GFRAL: variants seen among roughly 807,000 people sequenced by gnomAD.
GFRAL encodes the protein GDNF family receptor alpha-like.
Under a neutral mutation model 45.4 loss-of-function variants are expected in GFRAL, and 36 were observed. The observed-to-expected ratio is 0.79, with a 90% CI of 0.61 to 1.05. The LOEUF is 1.05. GFRAL is among the 50% of genes least tolerant of loss of function. The pLI is 0.00. For missense variants in GFRAL, 507 were observed against 467.5 expected, an observed-to-expected ratio of 1.08 and a Z score of -0.78; for synonymous variants, 166 against 154.1, an observed-to-expected ratio of 1.08 and a Z score of -0.57.
chr6:55,362,302 C>T (rs1250796582), intron 6 of GFRAL, among the ~76,000 whole-genome samples: 3 of 150,304 alleles, frequency 2.0e-5, no homozygotes, highest in Non-Finnish European at 4.4e-5. Flanking sequence ...AACAACAAAA[C>T]AAAACAAAAC....
In GFRAL at chr6:55,331,825, A is replaced by G. The variant is rs761628628; in HGVS notation, c.133A>G (p.Met45Val). 1.1e-5 allele frequency: 17 copies of G among 1,610,942 alleles called. No individual in the cohort carries two copies. The highest frequency in any genetic ancestry group is 1.7e-4 in the Middle Eastern group (1 of 6,052). Residue 45 changes from methionine (M) to valine (V), a missense_variant, in exon 2 of 9, where the codon ATG (methionine) becomes GTG (valine). By Grantham distance (21) the Met-to-Val change is conservative. Coordinates refer to ENST00000340465, the MANE Select transcript of GFRAL (RefSeq NM_207410.2). ...TGGATGTAAACATGCTTGGAGAGTA[A>G]TGGAAGATGCCTGCAATGATTCAGG... ...ANGCKHAWRV[M>V]EDACNDSDPG...
chr6:55,401,697 G>A lies in GFRAL; in HGVS notation c.1122-93G>A, dbSNP rs1376279695. The A allele has an allele frequency of 2.3e-5, 18 of 773,196 alleles. No homozygotes were observed. The Admixed American group carries it at 2.9e-4, about 12-fold the overall frequency. The allele number at this position is 773,196 out of a possible 1,614,324, so 47.9% of individuals were successfully genotyped here. On this transcript the variant is annotated intron_variant, in intron 8 of 8. Transcript: ENST00000340465. The stretch of plus-strand genomic sequence containing the variant: ...GAACTTGATTAGTTTTTTCCTCCAG[G>A]TGCAGACTCCAGCAAAAATGCAAAC...
chr6:55,354,146 G>T (rs144485871), intron 5 of GFRAL, among the ~76,000 whole-genome samples: 365 of 152,116 alleles, frequency 2.4e-3, no homozygotes, highest in Middle Eastern at 0.01. Context: ...GTATTTCTGA[G>T]CATCCACATC....
At chr6:55,343,774 C>T (rs1344260538) in intron 3 of GFRAL, among the ~76,000 whole-genome samples, 1 of 152,050 alleles carries the variant, frequency 6.6e-6, no homozygotes, top group African/African-American at 2.4e-5. Context: ...AATTGACAGA[C>T]TGCTAACAAG....
chr6:55,370,695 A>G (rs1768438555), intron 6 of GFRAL, among the ~76,000 whole-genome samples: 1 of 152,248 alleles, frequency 6.6e-6, no homozygotes, highest in Non-Finnish European at 1.5e-5. Context: ...ATCACATTAT[A>G]TAATGGCAGG....
At chr6:55,339,902 C>T (rs1273907786) in intron 3 of GFRAL, among the ~76,000 whole-genome samples, 1 of 152,148 alleles carries the variant, frequency 6.6e-6, no homozygotes. Context: ...AAGTTGAAAT[C>T]AGTTTACATA....
At chr6:55,330,490 G>T (rs982678798) in intron 1 of GFRAL, among the ~76,000 whole-genome samples, 1 of 152,068 alleles carries the variant, frequency 6.6e-6, no homozygotes, top group Admixed American at 6.6e-5. Context: ...GGAAAAAGGG[G>T]AGTATAGAAT....
At chr6:55,356,716 T>A (rs1183228911) in intron 5 of GFRAL, among the ~76,000 whole-genome samples, 1 of 151,844 alleles carries the variant, frequency 6.6e-6, no homozygotes, top group African/African-American at 2.4e-5. Flanking sequence ...GCTCTGAAGT[T>A]TATTTTCTAC....
Position 55,333,968 on chromosome 6 carries a change from T to C in GFRAL, c.316+24T>C. On this transcript the variant is annotated intron_variant, in intron 3 of 8. Coordinates refer to ENST00000340465, the MANE Select transcript of GFRAL (RefSeq NM_207410.2). ...AGGTAATATTTTGTTTTAAGAAATGTTTATAGTCATGAAAAAGAAAGCAAC... is the reference window on the plus strand; with the variant it reads ...AGGTAATATTTTGTTTTAAGAAATGCTTATAGTCATGAAAAAGAAAGCAAC... The C allele has an allele frequency of 4.3e-6, 6 of 1,394,956 alleles. No individual in the cohort carries two copies. The South Asian group carries it at 8.5e-5, about 20-fold the overall frequency. 86.4% of individuals were successfully genotyped at this position (1,394,956 alleles called of 1,614,324 possible).
chr6:55,359,217 T>C (rs1768241124), intron 6 of GFRAL, 79 bp downstream of exon 6: 4 of 1,259,950 alleles, frequency 3.2e-6, no homozygotes, highest in South Asian at 1.5e-5. Context: ...TGTTTTTGCC[T>C]ATACAGTAAA....
rs773683856 is a variant in GFRAL, at chr6:55,351,270, T to C, written c.388T>C (p.Ser130Pro). ...RSHHGFKGMWSCLEVAEACVG... is the reference protein window; with the variant it reads ...RSHHGFKGMWPCLEVAEACVG... The stretch of plus-strand genomic sequence containing the variant: ...GCTTTCAGGATTCAAAGGGATGTGG[T>C]CCTGTTTGGAAGTGGCAGAGGCATG... The change falls in exon 5 of 9, where the codon TCC (serine) becomes CCC (proline). Residue 130 changes from serine (S) to proline (P), a missense_variant. Coordinates refer to ENST00000340465, the MANE Select transcript of GFRAL (RefSeq NM_207410.2). The C allele has an allele frequency of 5.0e-6, 8 of 1,596,596 alleles. No homozygotes were observed. The highest frequency in any genetic ancestry group is 6.8e-6 in the Non-Finnish European group (8 of 1,168,504).
At chr6:55,348,080 T>A (rs1768066984) in intron 3 of GFRAL, among the ~76,000 whole-genome samples, 1 of 152,146 alleles carries the variant, frequency 6.6e-6, no homozygotes, top group African/African-American at 2.4e-5. Flanking sequence ...GAGCATATTT[T>A]AGGGATTGTT....
intron 3 of GFRAL, among the ~76,000 whole-genome samples, chr6:55,341,804 T>C (rs2127352253): frequency 6.6e-6 from 1 of 152,164 alleles, no homozygotes; most frequent in Non-Finnish European, 1.5e-5. Context: ...TTAACTAGAA[T>C]AAACAGTATA....
chr6:55,381,538 G>A (rs1274982887), intron 6 of GFRAL, among the ~76,000 whole-genome samples: 3 of 151,756 alleles, frequency 2.0e-5, no homozygotes, highest in Non-Finnish European at 4.4e-5. Flanking sequence ...TTCCATTAGC[G>A]AGCATTTTTA....
At chr6:55,357,692 C>T (rs1768213843) in intron 5 of GFRAL, among the ~76,000 whole-genome samples, 1 of 151,660 alleles carries the variant, frequency 6.6e-6, no homozygotes, top group South Asian at 2.1e-4. Context: ...TTTTGGAATC[C>T]AGTGTACCAA....
chr6:55,335,598 T>C (rs1581898738), intron 3 of GFRAL, among the ~76,000 whole-genome samples: 1 of 152,178 alleles, frequency 6.6e-6, no homozygotes, highest in African/African-American at 2.4e-5. Flanking sequence ...TATGTTACAT[T>C]ATGAATTAAT....
chr6:55,399,397 G>A lies in GFRAL; in HGVS notation c.1077G>A (p.Met359Ile). 1 of 1,611,748 alleles carries A rather than the reference G, an allele frequency of 6.2e-7. No homozygotes were observed. The highest frequency in any genetic ancestry group is 8.5e-7 in the Non-Finnish European group (1 of 1,178,018). The change falls in exon 8 of 9, where the codon ATG becomes ATA. Residue 359 changes from methionine to isoleucine, a missense_variant. Met to Ile is a conservative substitution (Grantham distance 10). Coordinates refer to ENST00000340465, the MANE Select transcript of GFRAL (RefSeq NM_207410.2). ...NGEVIYAAMC[M>I]TVTCGILLLV... ...AAGTAATCTATGCTGCCATGTGCAT[G>A]ACAGTCACCTGTGGAATCCTTCTGT...
In GFRAL at chr6:55,361,562, G is replaced by C. The variant is rs185543019; in HGVS notation, c.952+2424G>C. Among the ~76,000 whole-genome samples, 345 of 151,592 alleles carry C rather than the reference G, an allele frequency of 2.3e-3. 4 individuals are homozygous for C. Among genetic ancestry groups the C allele is most frequent in the Admixed American group, 3.4e-3 (52 of 15,168 alleles). On this transcript the variant is annotated intron_variant, in intron 6 of 8. Coordinates refer to ENST00000340465, the MANE Select transcript of GFRAL (RefSeq NM_207410.2). ...TCTCAAATATTTTGATCCAAAGTTG[G>C]TTGAGTCGAGGGGTGCAGAACTCAC...
chr6:55,365,679 C>A (rs1163107350), intron 6 of GFRAL, among the ~76,000 whole-genome samples: 11 of 144,958 alleles, frequency 7.6e-5, no homozygotes, highest in Non-Finnish European at 7.6e-5. Flanking sequence ...AAGGCTTTTT[C>A]TGCATCTATT....
Sources: allele counts gnomAD v4.1 joint callset (sites outside exome capture counted in the v4.1 genomes callset), GRCh38; gene constraint gnomAD v4.1.1; transcripts MANE v1.5; gene names NCBI Gene and HGNC (gene_info 2026-07-23, HGNC 2026-07-21).